Variants in NCALD observed in about 807,000 individuals in gnomAD.
NCALD encodes neurocalcin delta, also known as neurocalcin-delta.
In NCALD, 10 loss-of-function variants were observed where a neutral mutation model predicts 18.6. The ratio of observed to expected loss-of-function variants is 0.54; its 90% CI spans 0.33 to 0.91. The LOEUF is 0.91. NCALD is among the 40% of genes least tolerant of loss of function. The pLI, the probability that NCALD is intolerant of heterozygous loss-of-function variation, is 0.03. For missense variants in NCALD, 184 were observed against 247.6 expected, an observed-to-expected ratio of 0.74 and a Z score of 1.72; for synonymous variants, 88 against 87.4, an observed-to-expected ratio of 1.01 and a Z score of -0.04.
intron 2 of NCALD, among the ~76,000 whole-genome samples, chr8:101,718,375 A>G (rs545227678): frequency 6.6e-6 from 1 of 152,202 alleles, no homozygotes; most frequent in Non-Finnish European, 1.5e-5. Flanking sequence ...GTGGGGGTCA[A>G]TTCATACCTT....
intron 2 of NCALD, among the ~76,000 whole-genome samples, chr8:101,932,805 A>T (rs1259647778): frequency 6.6e-6 from 1 of 152,202 alleles, no homozygotes; most frequent in Non-Finnish European, 1.5e-5. Context: ...AAACAAACTT[A>T]AATGACAACA....
At chr8:101,999,788 CAA>C (rs562234634) in intron 2 of NCALD, among the ~76,000 whole-genome samples, 2 of 148,366 alleles carry the variant, frequency 1.3e-5, no homozygotes, top group African/African-American at 5.0e-5. Flanking sequence ...TTTGCAATTA[CAA>C]AAAAAAAATC....
chr8:102,039,876 C>G (rs936648219), intron 1 of NCALD, among the ~76,000 whole-genome samples: 2 of 152,184 alleles, frequency 1.3e-5, no homozygotes, highest in Non-Finnish European at 2.9e-5. Flanking sequence ...AACACTTCCT[C>G]TCCCAACATG....
At chr8:102,000,357 G>A (rs1369972149) in intron 2 of NCALD, among the ~76,000 whole-genome samples, 1 of 151,912 alleles carries the variant, frequency 6.6e-6, no homozygotes, top group African/African-American at 2.4e-5. Flanking sequence ...AGGGGTGCCC[G>A]CCATTCCCAG....
At chr8:102,105,351 G>A (rs1014146058) in intron 1 of NCALD, among the ~76,000 whole-genome samples, 38 of 152,154 alleles carry the variant, frequency 2.5e-4, no homozygotes, top group African/African-American at 8.9e-4. Flanking sequence ...AGTGTGCACT[G>A]CCTTTCCCAC....
At chr8:102,069,584 T>C (rs1396741724) in intron 1 of NCALD, among the ~76,000 whole-genome samples, 1 of 152,206 alleles carries the variant, frequency 6.6e-6, no homozygotes, top group African/African-American at 2.4e-5. Context: ...AGGATATCCA[T>C]TGCAATATTG....
chr8:102,082,910 A>C (rs1824599705), intron 1 of NCALD, among the ~76,000 whole-genome samples: 1 of 152,210 alleles, frequency 6.6e-6, no homozygotes, highest in South Asian at 2.1e-4. Context: ...TGACTCAAAT[A>C]ATTTGCCAGT....
At chr8:102,089,396 A>AG (rs1824849995) in intron 1 of NCALD, among the ~76,000 whole-genome samples, 1 of 147,130 alleles carries the variant, frequency 6.8e-6, no homozygotes, top group Admixed American at 6.6e-5. Flanking sequence ...TTAGTCTCAA[A>AG]GGAAAAAAAA....
chr8:101,879,840 G>C (rs567304812), intron 4 of NCALD, among the ~76,000 whole-genome samples: 1 of 152,232 alleles, frequency 6.6e-6, no homozygotes, highest in Non-Finnish European at 1.5e-5. Context: ...GCTGCTGACT[G>C]GTGCATTTAC....
chr8:101,689,455 G>C lies in NCALD; in HGVS notation c.485-49C>G, dbSNP rs1814615814. The C allele has an allele frequency of 7.0e-7, 1 of 1,424,066 alleles. No individual in the cohort carries two copies. Among genetic ancestry groups the C allele is most frequent in the African/African-American group, 1.4e-5 (1 of 70,516 alleles). The allele number at this position is 1,424,066 out of a possible 1,614,324, so 88.2% of individuals were successfully genotyped here. ...GTGGTGGCTGGTGGCAGCTGCATGA[G>C]CTTACACCCTTCCCACTACTGCGTG... On this transcript the variant is annotated intron_variant, in intron 3 of 3. Transcript: ENST00000220931. This position sits in a 1 kb window ranked among gnomAD's most constrained non-coding sequence, Gnocchi z 4.4.
chr8:101,930,075 A>G (rs1818516152), intron 2 of NCALD, among the ~76,000 whole-genome samples: 1 of 152,162 alleles, frequency 6.6e-6, no homozygotes, highest in African/African-American at 2.4e-5. Flanking sequence ...AAACAAAAAT[A>G]TATAAAAATT....
intron 4 of NCALD, among the ~76,000 whole-genome samples, chr8:101,848,178 T>C (rs1309349968): frequency 6.6e-6 from 1 of 151,256 alleles, no homozygotes; most frequent in Non-Finnish European, 1.5e-5. Context: ...AAAATTGAGG[T>C]ATTCTGGTTC....
intron 1 of NCALD, among the ~76,000 whole-genome samples, chr8:101,732,581 TTTTC>T (rs1311344771): frequency 2.7e-5 from 4 of 148,984 alleles, no homozygotes; most frequent in African/African-American, 9.9e-5. Flanking sequence ...GAGTATTTCT[TTTTC>T]TTTGCTTTTT....
At position 101,735,810 on chromosome 8, in the gene NCALD, G is replaced by T. The variant is rs570125035; in HGVS notation, c.-19-16162C>A. On this transcript the variant is annotated intron_variant, in intron 1 of 3. Transcript: ENST00000220931. ...TTGCATCAGGATTATATTGATCTAC[G>T]CTGTGGCCAGCGGAGGCTAATATTA... Among the ~76,000 whole-genome samples, 5 of 152,258 alleles carry T rather than the reference G, an allele frequency of 3.3e-5. No individual in the cohort carries two copies. The East Asian group carries it at 9.7e-4, about 29-fold the overall frequency.
chr8:101,927,241 T>C (rs1264118280), intron 2 of NCALD, among the ~76,000 whole-genome samples: 1 of 152,176 alleles, frequency 6.6e-6, no homozygotes, highest in Non-Finnish European at 1.5e-5. Flanking sequence ...TCTCAGGGCC[T>C]GAATGTGTCA....
Position 101,690,751 on chromosome 8 carries a change from G to A in NCALD, c.485-1345C>T, listed in dbSNP as rs1019707719. The stretch of plus-strand genomic sequence containing the variant: ...GATCCCCTCCAAGCTCTGTGTGCTG[G>A]CCATTTTTTATGAGCCCAGCCCTGC... On this transcript the variant is annotated intron_variant, in intron 3 of 3. Coordinates refer to ENST00000220931, the MANE Select transcript of NCALD (RefSeq NM_032041.3). 1.8e-5 allele frequency: 18 copies of A among 985,386 alleles called. No homozygotes were observed. The East Asian group carries it at 1.5e-3, about 81-fold the overall frequency. The allele number at this position is 985,386 out of a possible 1,614,324, so 61.0% of individuals were successfully genotyped here. A position where few individuals can be genotyped will look rare whatever the true frequency, so the allele number is the denominator to read the frequency against.
At chr8:101,867,313 C>T (rs1325257972) in intron 4 of NCALD, among the ~76,000 whole-genome samples, 1 of 152,180 alleles carries the variant, frequency 6.6e-6, no homozygotes, top group African/African-American at 2.4e-5. Flanking sequence ...ATTTTACTTG[C>T]TTATGTTGTT....
At chr8:101,791,889 T>C (rs1175119930), upstream of NCALD, among the ~76,000 whole-genome samples, 3 of 152,166 alleles carry the variant, frequency 2.0e-5, no homozygotes, top group Non-Finnish European at 4.4e-5. Flanking sequence ...ATGAAAGGGT[T>C]ATCTCACATG....
At chr8:101,758,455 G>T (rs887743993) in intron 1 of NCALD, among the ~76,000 whole-genome samples, 2 of 152,170 alleles carry the variant, frequency 1.3e-5, no homozygotes, top group Non-Finnish European at 2.9e-5. Context: ...ACTGTCTTGA[G>T]CACTTTATAT....
Sources: gnomAD v4.1 joint callset for allele counts (sites outside exome capture counted in the v4.1 genomes callset) on GRCh38, gnomAD v4.1.1 for gene constraint, Gnocchi (gnomAD v3.1) non-coding constraint, MANE v1.5 for transcripts, NCBI Gene and HGNC (gene_info 2026-07-23, HGNC 2026-07-21) for gene names.